MTX2: variants seen among roughly 807,000 people sequenced by gnomAD.
The protein encoded by MTX2 is metaxin 2.
In MTX2, 35 loss-of-function variants were observed where a neutral mutation model predicts 42.3. The ratio of observed to expected loss-of-function variants is 0.83; its 90% CI spans 0.63 to 1.10. The LOEUF (loss-of-function observed/expected upper bound fraction) is 1.10. Among genes scored for constraint, MTX2 ranks in the 50% least tolerant of loss-of-function variants. The pLI is 0.00. For synonymous variants in MTX2, 119 were observed against 100.9 expected, an observed-to-expected ratio of 1.18 and a Z score of -1.08; for missense variants, 307 against 304.1, an observed-to-expected ratio of 1.01 and a Z score of -0.07.
In MTX2 at chr2:176,337,605, T is replaced by A; in HGVS notation, c.733T>A (p.Phe245Ile). 1 of 1,613,422 alleles carries A rather than the reference T, an allele frequency of 6.2e-7. No individual in the cohort carries two copies. The highest frequency in any genetic ancestry group is 1.3e-5 in the African/African-American group (1 of 75,016). The part of the protein sequence containing the change: ...KVKNYSNLLA[F>I]CRRIEQHYFE... Reference sequence around the variant, plus strand: ...GAAAAACTATAGCAACCTCCTTGCTTTCTGTAGGAGAATTGAACAGCACTA... The same window carrying A: ...GAAAAACTATAGCAACCTCCTTGCTATCTGTAGGAGAATTGAACAGCACTA... The change falls in exon 10 of 10, where the codon TTC (phenylalanine) becomes ATC (isoleucine). Residue 245 changes from phenylalanine (F) to isoleucine (I), a missense_variant. Transcript: ENST00000249442.
rs549045787 is a variant in MTX2, at chr2:176,331,165, T to C, written c.620+505T>C. Among the ~76,000 whole-genome samples the C allele has an allele frequency of 3.3e-5, 5 of 151,346 alleles. No homozygotes were observed. The East Asian group carries it at 9.7e-4, about 29-fold the overall frequency. On this transcript the variant is annotated intron_variant, in intron 9 of 9. Transcript: ENST00000249442. ...AATATTTGTAAAACACAGAAATTAA[T>C]ATAAAGGATATAGGTTAAATATATG...
chr2:176,276,634 C>T (rs1386548102), intron 1 of MTX2, among the ~76,000 whole-genome samples: 1 of 151,810 alleles, frequency 6.6e-6, no homozygotes, highest in Non-Finnish European at 1.5e-5. Context: ...AATAAATGTT[C>T]AGTACATGTT....
chr2:176,284,391 T>G (rs1421354524), intron 1 of MTX2, among the ~76,000 whole-genome samples: 1 of 152,250 alleles, frequency 6.6e-6, no homozygotes, highest in East Asian at 1.9e-4. Context: ...GTTGGTGCTG[T>G]GAATTTGTTT....
chr2:176,316,854 A>G (rs1684454395), intron 3 of MTX2, among the ~76,000 whole-genome samples: 7 of 152,138 alleles, frequency 4.6e-5, no homozygotes, highest in Admixed American at 3.9e-4. Context: ...CATATCTTGT[A>G]TAATTTTATA....
At chr2:176,277,625 C>T (rs1454994929) in intron 1 of MTX2, among the ~76,000 whole-genome samples, 1 of 152,184 alleles carries the variant, frequency 6.6e-6, no homozygotes, top group Non-Finnish European at 1.5e-5. Context: ...TGGTCTCGAA[C>T]TCCCGACCTC....
chr2:176,319,726 C>A (rs181907472), intron 3 of MTX2, among the ~76,000 whole-genome samples: 1 of 152,042 alleles, frequency 6.6e-6, no homozygotes, highest in East Asian at 1.9e-4. Context: ...CAGGCACACA[C>A]CACCACGCCC....
chr2:176,336,279 T>G (rs1290478515), intron 9 of MTX2, among the ~76,000 whole-genome samples: 1 of 152,066 alleles, frequency 6.6e-6, no homozygotes, highest in Non-Finnish European at 1.5e-5. Context: ...TAGATTTCAT[T>G]TTGTTGTTAG....
chr2:176,297,236 CAGTAAAA>C (rs1683909179), intron 2 of MTX2, among the ~76,000 whole-genome samples: 1 of 152,110 alleles, frequency 6.6e-6, no homozygotes, highest in East Asian at 1.9e-4. Context: ...AGTGGGCTCT[CAGTAAAA>C]AGGAACTGTT....
chr2:176,312,483 A>G (rs1321308526), intron 3 of MTX2, among the ~76,000 whole-genome samples: 1 of 152,168 alleles, frequency 6.6e-6, no homozygotes, highest in Non-Finnish European at 1.5e-5. Context: ...CAATATTTAG[A>G]TATCTTGTTT....
chr2:176,283,335 C>T (rs1174576424), intron 1 of MTX2, among the ~76,000 whole-genome samples: 1 of 152,128 alleles, frequency 6.6e-6, no homozygotes, highest in Admixed American at 6.5e-5. Flanking sequence ...GTTGTGGGTA[C>T]ATTTTGGATG....
chr2:176,269,457 TG>T lies in MTX2; in HGVS notation c.-171del. The stretch of plus-strand genomic sequence containing the variant: ...TGCGCCGGAAGTCCCTAGCCAGGCC[TG>T]GCGGTAACCTTGGGGGCCTCACTGC... On this transcript the variant is annotated 5_prime_UTR_variant, in exon 1 of 10. Coordinates refer to ENST00000249442, the MANE Select transcript of MTX2 (RefSeq NM_006554.5). 1.5e-6 allele frequency: 1 copy of T among 667,378 alleles called. No individual in the cohort carries two copies. Among genetic ancestry groups the T allele is most frequent in the East Asian group, 3.4e-5 (1 of 29,634 alleles). The allele number at this position is 667,378 out of a possible 1,614,324, so 41.3% of individuals were successfully genotyped here.
chr2:176,324,750 C>T (rs1378970648), intron 4 of MTX2, among the ~76,000 whole-genome samples: 1 of 151,414 alleles, frequency 6.6e-6, no homozygotes, highest in African/African-American at 2.4e-5. Context: ...TATTAGATTG[C>T]GCGAAAGACA....
intron 1 of MTX2, among the ~76,000 whole-genome samples, chr2:176,278,042 T>G (rs1692988831): frequency 2.0e-5 from 1 of 49,354 alleles, no homozygotes; most frequent in Admixed American, 2.6e-4. Flanking sequence ...TTGAAACTGG[T>G]TTTTTTTTTT....
intron 8 of MTX2, 100 bp downstream of exon 8, chr2:176,329,526 C>A: frequency 8.6e-7 from 1 of 1,159,470 alleles, no homozygotes; most frequent in Non-Finnish European, 1.1e-6. Flanking sequence ...ATAAGATTTG[C>A]AAGAAAACCA....
intron 1 of MTX2, among the ~76,000 whole-genome samples, chr2:176,282,132 T>TTTGTTTTTTTG (rs1178127826): frequency 5.9e-5 from 8 of 135,414 alleles, no homozygotes; most frequent in Non-Finnish European, 9.6e-5. Flanking sequence ...AGTAGTTTTT[T>TTTGTTTTTTTG]TTTTTTTTTT....
intron 1 of MTX2, among the ~76,000 whole-genome samples, chr2:176,281,974 G>A (rs1693087154): frequency 6.6e-6 from 1 of 152,092 alleles, no homozygotes; most frequent in African/African-American, 2.4e-5. Flanking sequence ...ATACTCTGTA[G>A]ATCATTTGTC....
intron 1 of MTX2, among the ~76,000 whole-genome samples, chr2:176,289,345 G>A (rs188715550): frequency 1.3e-4 from 19 of 151,854 alleles, no homozygotes; most frequent in Admixed American, 2.6e-4. Flanking sequence ...GTTTCTTTGA[G>A]AAATATTCAT....
At chr2:176,286,777 G>C (rs1376487066) in intron 1 of MTX2, among the ~76,000 whole-genome samples, 2 of 152,054 alleles carry the variant, frequency 1.3e-5, no homozygotes, top group African/African-American at 4.8e-5. Flanking sequence ...TCGAACTCCT[G>C]ACCTCAGGTG....
At chr2:176,298,765 C>T (rs775866153) in intron 3 of MTX2, among the ~76,000 whole-genome samples, 6 of 152,056 alleles carry the variant, frequency 3.9e-5, no homozygotes, top group Non-Finnish European at 5.9e-5. Flanking sequence ...ATAATATTTT[C>T]AATCTTTATA....
Sources: allele counts gnomAD v4.1 joint callset (sites outside exome capture counted in the v4.1 genomes callset), GRCh38; gene constraint gnomAD v4.1.1; transcripts MANE v1.5; gene names NCBI Gene and HGNC (gene_info 2026-07-23, HGNC 2026-07-21).